Variants in PCDHA4 observed in about 807,000 individuals in gnomAD.
The protein encoded by PCDHA4 is protocadherin alpha 4.
Under a neutral mutation model 61.4 loss-of-function variants are expected in PCDHA4, and 49 were observed. That is an observed-to-expected ratio of 0.80 (90% CI 0.63 to 1.01). The LOEUF (loss-of-function observed/expected upper bound fraction) is 1.01. PCDHA4 is among the 50% of genes least tolerant of loss of function. The pLI is 0.00. For missense variants in PCDHA4, 1,254 were observed against 1,235.8 expected, an observed-to-expected ratio of 1.01 and a Z score of -0.22; for synonymous variants, 590 against 550.3, an observed-to-expected ratio of 1.07 and a Z score of -1.01.
At chr5:140,829,946 C>A in intron 1 of PCDHA4, 1 of 1,613,986 alleles carries the variant, frequency 6.2e-7, no homozygotes, top group East Asian at 2.2e-5. Flanking sequence ...AAGCAGCGCT[C>A]GCTTCCCGTT....
At chr5:140,875,616 C>A (rs2055654644) in intron 1 of PCDHA4, 2 of 1,613,748 alleles carry the variant, frequency 1.2e-6, no homozygotes, top group Admixed American at 1.7e-5. Context: ...TGGGCCGCAT[C>A]GCTCAGGACC....
At chr5:140,997,837 T>G (rs1414415987) in intron 3 of PCDHA4, among the ~76,000 whole-genome samples, 2 of 152,222 alleles carry the variant, frequency 1.3e-5, no homozygotes, top group African/African-American at 4.8e-5. Context: ...AACAATACAA[T>G]ATACATTCTT....
intron 1 of PCDHA4, among the ~76,000 whole-genome samples, chr5:140,969,908 TG>T (rs2096368267): frequency 6.6e-6 from 1 of 152,184 alleles, no homozygotes; most frequent in Non-Finnish European, 1.5e-5. Flanking sequence ...ATGTCACAAG[TG>T]ATAAAGCTGT....
At chr5:140,986,437 G>A (rs1554248053) in intron 3 of PCDHA4, among the ~76,000 whole-genome samples, 2 of 152,182 alleles carry the variant, frequency 1.3e-5, no homozygotes, top group Admixed American at 6.5e-5. Flanking sequence ...GAGTACTAAT[G>A]CCCTGAAGAG....
Position 140,823,093 on chromosome 5 carries a change from G to T in PCDHA4, c.2385+13521G>T, listed in dbSNP as rs147205231. The T allele has an allele frequency of 4.2e-5, 68 of 1,613,940 alleles. No homozygotes were observed. Among genetic ancestry groups the T allele is most frequent in the African/African-American group, 1.9e-4 (14 of 74,948 alleles). On this transcript the variant is annotated intron_variant, in intron 1 of 3. Coordinates refer to ENST00000530339, the MANE Select transcript of PCDHA4 (RefSeq NM_018907.4). ...GCCTTCGCTGTGGGCCACCGCCAGCGTGTCTGTGGAAGTGGCCGACGTGAA... is the reference window on the plus strand; with the variant it reads ...GCCTTCGCTGTGGGCCACCGCCAGCTTGTCTGTGGAAGTGGCCGACGTGAA...
intron 1 of PCDHA4, chr5:140,870,575 A>G (rs2052179546): frequency 6.2e-7 from 1 of 1,613,690 alleles, no homozygotes; most frequent in Admixed American, 1.7e-5. Flanking sequence ...CTGGTGTCCT[A>G]CTCGCTGGTG....
chr5:140,853,533 T>C (rs2042784288), intron 1 of PCDHA4: 2 of 979,954 alleles, frequency 2.0e-6, no homozygotes, highest in African/African-American at 3.5e-5. Context: ...TATGTCTCTT[T>C]TCAAGTTGTA....
rs1460408085 is a variant in PCDHA4, at chr5:140,900,316, C to T, written c.2386-78633C>T. On this transcript the variant is annotated intron_variant, in intron 1 of 3. Coordinates refer to ENST00000530339, the MANE Select transcript of PCDHA4 (RefSeq NM_018907.4). ...TTTTTTTAGACAGTCTCACTTTTGT[C>T]GCCCAGGCTGGAGTACCGTGGCGCA... Among the ~76,000 whole-genome samples the T allele has an allele frequency of 1.2e-4, 18 of 152,172 alleles. No individual in the cohort carries two copies. The East Asian group carries it at 2.7e-3, about 23-fold the overall frequency.
intron 1 of PCDHA4, among the ~76,000 whole-genome samples, chr5:140,924,369 G>A (rs2081798645): frequency 6.6e-6 from 1 of 152,144 alleles, no homozygotes; most frequent in Admixed American, 6.5e-5. Context: ...AGGCAAACTA[G>A]CCAAGGGGTA....
chr5:140,972,130 TTAC>T (rs1424151392), intron 1 of PCDHA4, among the ~76,000 whole-genome samples: 1 of 152,022 alleles, frequency 6.6e-6, no homozygotes, highest in Non-Finnish European at 1.5e-5. Flanking sequence ...TATCAGTGAG[TTAC>T]TACTATTTTT....
chr5:140,822,576 TGC>T (rs2150117469), intron 1 of PCDHA4: 12 of 1,612,800 alleles, frequency 7.4e-6, no homozygotes, highest in Non-Finnish European at 1.0e-5. Flanking sequence ...ACGCCTCAGA[TGC>T]AGATGAGGGC....
intron 1 of PCDHA4, chr5:140,852,983 A>T (rs1409156147): frequency 3.0e-6 from 1 of 337,908 alleles, no homozygotes; most frequent in Non-Finnish European, 4.4e-6. Context: ...TGTTCACGCC[A>T]TTCTCCTGCC....
chr5:140,937,933 A>C (rs1452935525), intron 1 of PCDHA4, among the ~76,000 whole-genome samples: 1 of 151,854 alleles, frequency 6.6e-6, no homozygotes, highest in Non-Finnish European at 1.5e-5. Flanking sequence ...AAAAAGTTTA[A>C]TTTGATAATT....
chr5:140,857,730 C>A (rs782671299), intron 1 of PCDHA4: 1 of 1,597,474 alleles, frequency 6.3e-7, no homozygotes, highest in Admixed American at 1.7e-5. Context: ...AACGACAACG[C>A]TCCCGCGCTG....
At chr5:140,927,395 A>G (rs782188555) in intron 1 of PCDHA4, 3 of 1,614,194 alleles carry the variant, frequency 1.9e-6, no homozygotes, top group South Asian at 2.2e-5. Context: ...CCCAGTCAGC[A>G]CTTTCGCCTG....
chr5:140,915,283 C>T (rs1395177735), intron 1 of PCDHA4, among the ~76,000 whole-genome samples: 1 of 152,068 alleles, frequency 6.6e-6, no homozygotes, highest in African/African-American at 2.4e-5. Context: ...ATCATTTACT[C>T]TTTCTACTTA....
chr5:140,836,540 G>C (rs2150263388), intron 1 of PCDHA4: 5 of 1,613,664 alleles, frequency 3.1e-6, no homozygotes, highest in African/African-American at 1.3e-5. Flanking sequence ...TGCTGTACAC[G>C]GCGTTGCGGT....
chr5:140,819,030 T>C (rs1554127593), intron 1 of PCDHA4, among the ~76,000 whole-genome samples: 1 of 152,240 alleles, frequency 6.6e-6, no homozygotes, highest in Admixed American at 6.5e-5. Flanking sequence ...TTTTAGCACA[T>C]TCCCTTATAG....
chr5:141,006,429 G>C (rs541690957), intron 3 of PCDHA4, among the ~76,000 whole-genome samples: 7 of 152,004 alleles, frequency 4.6e-5, no homozygotes, highest in Non-Finnish European at 1.0e-4. Flanking sequence ...TAGCCAGGAT[G>C]GTCTCAATCT....
Sources: allele counts gnomAD v4.1 joint callset (sites outside exome capture counted in the v4.1 genomes callset), GRCh38; gene constraint gnomAD v4.1.1; transcripts MANE v1.5; gene names NCBI Gene and HGNC (gene_info 2026-07-23, HGNC 2026-07-21).